Variants in EWSR1 observed in about 807,000 individuals in gnomAD.
EWSR1 encodes the protein RNA-binding protein EWS.
EWSR1 carries 14 observed loss-of-function variants against 92.1 expected under a neutral mutation model. That is an observed-to-expected ratio of 0.15 (90% CI 0.10 to 0.24). EWSR1 has a LOEUF of 0.24. EWSR1 is among the 10% of genes least tolerant of loss of function. EWSR1 has a pLI of 1.00. For missense variants in EWSR1, 637 were observed against 870.9 expected (o/e 0.73, Z 3.38); for synonymous variants, 303 against 292.9 (o/e 1.03, Z -0.35).
chr22:29,288,901 T>G, intron 8 of EWSR1, 115 bp downstream of exon 8: 1 of 1,035,382 alleles, frequency 9.7e-7, no homozygotes, highest in South Asian at 1.9e-5. Context: ...ATGGACAATC[T>G]GTTGAGCTCA....
chr22:29,296,488 C>T (rs962981254), intron 12 of EWSR1, 120 bp downstream of exon 12: 81 of 1,228,290 alleles, frequency 6.6e-5, no homozygotes, highest in Middle Eastern at 4.8e-4. Flanking sequence ...GGTAGATGGC[C>T]GGTCTCCCTG....
At chr22:29,298,975 T>G in intron 14 of EWSR1, 80 bp downstream of exon 14, 1 of 1,423,920 alleles carries the variant, frequency 7.0e-7, no homozygotes, top group Non-Finnish European at 9.4e-7. Context: ...TAGAGTGGAT[T>G]GCTCTGTCTA....
At chr22:29,277,591 C>T in intron 4 of EWSR1, 2 of 231,050 alleles carry the variant, frequency 8.7e-6, no homozygotes, top group South Asian at 1.8e-4. Context: ...TTTTAAAATG[C>T]TATGTCATTT....
chr22:29,276,558 C>T (rs1490394955), intron 4 of EWSR1: 3 of 226,124 alleles, frequency 1.3e-5, no homozygotes, highest in Non-Finnish European at 2.6e-5. Context: ...GGCCCTAAAT[C>T]TTAACTAAAA....
In EWSR1 at chr22:29,268,279, C is replaced by G; in HGVS notation, c.-58C>G. The G allele has an allele frequency of 5.0e-6, 8 of 1,601,366 alleles. No individual in the cohort carries two copies. The highest frequency in any genetic ancestry group is 6.8e-6 in the Non-Finnish European group (8 of 1,168,558). ...AGATTTGCGCCTGCGCAGTGCGGCG[C>G]CTAGAGGGAAAGCGAGAGGGAGACG... On this transcript the variant is annotated 5_prime_UTR_variant, in exon 1 of 17. Transcript: ENST00000397938.
Position 29,297,913 on chromosome 22 carries a change from C to T in EWSR1, c.1381C>T (p.Arg461Cys), listed in dbSNP as rs759221648. Residue 461 changes from arginine to cysteine, a missense_variant, in exon 13 of 17, where the codon CGT (arginine) becomes TGT (cysteine). Transcript: ENST00000397938. ...CAGTATGCGGGGTGGTCTGCCACCCCGTGAGGGCAGAGGCATGCCACCACC... is the reference window on the plus strand; with the variant it reads ...CAGTATGCGGGGTGGTCTGCCACCCTGTGAGGGCAGAGGCATGCCACCACC... The part of the protein sequence containing the change: ...MNSMRGGLPP[R>C]EGRGMPPPLR... 6 of 1,613,998 alleles carry T rather than the reference C, an allele frequency of 3.7e-6. No homozygotes were observed. Among genetic ancestry groups the T allele is most frequent in the Non-Finnish European group, 3.4e-6 (4 of 1,179,984 alleles).
Position 29,272,317 on chromosome 22 carries a change from A to G in EWSR1, c.51-63A>G, listed in dbSNP as rs369093316. On this transcript the variant is annotated intron_variant, in intron 2 of 16. Coordinates refer to ENST00000397938, the MANE Select transcript of EWSR1 (RefSeq NM_005243.4). ...ATATTTTTTGAATATGGAGCCTTCT[A>G]TAATTGTAGAGGTGGTATTTGAATG... 3.6e-5 allele frequency: 58 copies of G among 1,610,820 alleles called. No homozygotes were observed. In the African/African-American group the frequency reaches 5.6e-4, roughly 16 times the overall value.
intron 6 of EWSR1, among the ~76,000 whole-genome samples, chr22:29,285,378 T>A (rs1032917889): frequency 6.6e-6 from 1 of 151,260 alleles, no homozygotes; most frequent in Non-Finnish European, 1.5e-5. Context: ...TGCCTTGGCC[T>A]CCCAAAGTGC....
intron 5 of EWSR1, among the ~76,000 whole-genome samples, chr22:29,282,176 C>T (rs758324896): frequency 6.6e-6 from 1 of 152,130 alleles, no homozygotes; most frequent in Non-Finnish European, 1.5e-5. Flanking sequence ...CTCCCCCTTC[C>T]TTAGTGTTGT....
At chr22:29,276,315 C>T (rs951515136) in intron 4 of EWSR1, 1 of 229,250 alleles carries the variant, frequency 4.4e-6, no homozygotes, top group African/African-American at 2.2e-5. Flanking sequence ...CATGCCAACT[C>T]AAAAACTTTT....
chr22:29,292,977 T>C (rs2060558142), intron 11 of EWSR1, among the ~76,000 whole-genome samples: 1 of 152,044 alleles, frequency 6.6e-6, no homozygotes, highest in African/African-American at 2.4e-5. Flanking sequence ...CTCAAACTCC[T>C]GACCTCAGGT....
rs201795443 is a variant in EWSR1, at chr22:29,288,687, G to A, written c.875G>A (p.Arg292Gln). 6.2e-6 allele frequency: 10 copies of A among 1,613,954 alleles called. No homozygotes were observed. The highest frequency in any genetic ancestry group is 1.3e-5 in the African/African-American group (1 of 75,036). The change falls in exon 8 of 17, where the codon CGG (arginine) becomes CAG (glutamine). Residue 292 changes from arginine to glutamine, a missense_variant. Physicochemically the swap from Arg to Gln is conservative, Grantham distance 43 (BLOSUM62 1). Coordinates refer to ENST00000397938, the MANE Select transcript of EWSR1 (RefSeq NM_005243.4). ...GGATTTTCCGGACCAGGAGAGAACC[G>A]GAGCATGAGTGGCCCTGATAACCGG... ...SGGFSGPGEN[R>Q]SMSGPDNRGR...
intron 11 of EWSR1, among the ~76,000 whole-genome samples, chr22:29,294,273 G>A (rs1255805222): frequency 2.0e-5 from 3 of 152,068 alleles, no homozygotes; most frequent in East Asian, 1.9e-4. Context: ...AAGGGTCTTC[G>A]TTAAATGACA....
intron 13 of EWSR1, among the ~76,000 whole-genome samples, chr22:29,298,507 CAAAAA>C (rs35896020): frequency 9.3e-6 from 1 of 107,226 alleles, no homozygotes. Flanking sequence ...ACTCCGTCTC[CAAAAA>C]AAAAAAAAAA....
intron 4 of EWSR1, chr22:29,274,484 T>C: frequency 1.8e-6 from 1 of 544,066 alleles, no homozygotes; most frequent in Non-Finnish European, 3.3e-6. Context: ...AAAGGTTTTT[T>C]TATTTAATAT....
Position 29,280,674 on chromosome 22 carries a change from G to GT in EWSR1, c.414-1700dup, listed in dbSNP as rs1005931943. Among the ~76,000 whole-genome samples, 886 of 134,888 alleles carry GT rather than the reference G, an allele frequency of 6.6e-3. 2 individuals carry two copies. Among genetic ancestry groups the GT allele is most frequent in the Middle Eastern group, 7.8e-3 (2 of 256 alleles). The allele number at this position is 134,888 out of a possible 152,430, so 88.5% of individuals were successfully genotyped here. A position where few individuals can be genotyped will look rare whatever the true frequency, so the allele number is the denominator to read the frequency against. On this transcript the variant is annotated intron_variant, in intron 5 of 16. Coordinates refer to ENST00000397938, the MANE Select transcript of EWSR1 (RefSeq NM_005243.4). ...TCTGGTTGGTTGGATGGTTTGGTTG[G>GT]TTTTTTTTTTTTTTTTAAGATGGAG...
chr22:29,288,774 G>A lies in EWSR1; in HGVS notation c.962G>A (p.Arg321His), dbSNP rs71329463. ...AGCAGAGGTGGGCGGGGAGGAGGAC[G>A]CGGTGGAATGGGGTAAGAGCAAACC... The part of the protein sequence containing the change: ...GMSRGGRGGG[R>H]GGMGSAGERG... The change falls in exon 8 of 17, where the codon CGC (arginine) becomes CAC (histidine). Residue 321 changes from arginine to histidine, a missense_variant. By Grantham distance (29) the Arg-to-His change is conservative. Around this residue, in one of 5 missense-constraint regions of EWSR1, gnomAD observed 8 missense variants for 36.1 expected, o/e 0.22. Transcript: ENST00000397938. 8 of 1,610,712 alleles carry A rather than the reference G, an allele frequency of 5.0e-6. No individual in the cohort carries two copies. The highest frequency in any genetic ancestry group is 2.2e-5 in the East Asian group (1 of 44,782).
At position 29,298,771 on chromosome 22, in the gene EWSR1, C is replaced by T. The variant is rs867594310; in HGVS notation, c.1456C>T (p.Arg486Cys). The stretch of plus-strand genomic sequence containing the variant: ...AGGAGGTCCTGGGGGACCCATGGGT[C>T]GCATGGGAGGCCGTGGAGGAGATAG... The part of the protein sequence containing the change: ...GPGGPGGPMG[R>C]MGGRGGDRGG... The change falls in exon 14 of 17, where the codon CGC becomes TGC. Residue 486 changes from arginine (R) to cysteine (C), a missense_variant. Transcript: ENST00000397938. 12 of 1,613,528 alleles carry T rather than the reference C, an allele frequency of 7.4e-6. No individual in the cohort carries two copies. The highest frequency in any genetic ancestry group is 1.1e-5 in the South Asian group (1 of 91,028).
intron 14 of EWSR1, 35 bp from the exon 15 acceptor site, chr22:29,299,199 A>T (rs774755302): frequency 5.2e-5 from 84 of 1,613,720 alleles, no homozygotes; most frequent in Non-Finnish European, 6.4e-5. Context: ...CCTTAGTTCA[A>T]TTGGTGATTT....
Sources: allele counts gnomAD v4.1 joint callset (sites outside exome capture counted in the v4.1 genomes callset), GRCh38; gene constraint gnomAD v4.1.1; regional missense constraint gnomAD v4.1.1; transcripts MANE v1.5; gene names NCBI Gene and HGNC (gene_info 2026-07-23, HGNC 2026-07-21).